Variants in DIAPH3 observed in about 807,000 individuals in gnomAD.
DIAPH3 encodes the protein protein diaphanous homolog 3.
A neutral mutation model predicts 144.3 loss-of-function variants in DIAPH3; 117 were observed. The observed-to-expected ratio is 0.81, with a 90% CI of 0.70 to 0.95. The LOEUF (loss-of-function observed/expected upper bound fraction) is 0.95, where lower values mean the gene tolerates loss of function less well. Ranked by LOEUF, DIAPH3 falls within the 40% of genes least tolerant of loss-of-function variation. The pLI is 0.00. For synonymous variants in DIAPH3, 519 were observed against 488.9 expected, an observed-to-expected ratio of 1.06 and a Z score of -0.81; for missense variants, 1,421 against 1,412.7, an observed-to-expected ratio of 1.01 and a Z score of -0.09.
intron 21 of DIAPH3, among the ~76,000 whole-genome samples, chr13:59,872,467 T>C (rs1201963786): frequency 6.6e-6 from 1 of 152,200 alleles, no homozygotes; most frequent in Non-Finnish European, 1.5e-5. Flanking sequence ...GCTGGAACCA[T>C]AGTTCAAAGC....
intron 9 of DIAPH3, among the ~76,000 whole-genome samples, chr13:59,996,534 A>G (rs1333372999): frequency 2.0e-5 from 3 of 152,050 alleles, no homozygotes; most frequent in Admixed American, 1.3e-4. Flanking sequence ...TCCTTAGGGC[A>G]GCAGTAAACT....
intron 1 of DIAPH3, among the ~76,000 whole-genome samples, chr13:60,141,739 T>C (rs2138314956): frequency 6.6e-6 from 1 of 152,352 alleles, no homozygotes; most frequent in African/African-American, 2.4e-5. Context: ...AACTTATCTT[T>C]ATTGGGGAAA....
chr13:59,888,515 C>T (rs1249685369), intron 20 of DIAPH3, among the ~76,000 whole-genome samples: 1 of 152,028 alleles, frequency 6.6e-6, no homozygotes, highest in African/African-American at 2.4e-5. Flanking sequence ...CGTCTACTGG[C>T]TTAACTATGC....
intron 22 of DIAPH3, among the ~76,000 whole-genome samples, chr13:59,856,529 T>C (rs1176327879): frequency 2.0e-5 from 3 of 152,156 alleles, no homozygotes; most frequent in African/African-American, 7.2e-5. Context: ...CCTCACTGTG[T>C]CTTCACATGG....
chr13:59,833,483 T>C (rs935949163), intron 23 of DIAPH3, among the ~76,000 whole-genome samples: 1 of 151,754 alleles, frequency 6.6e-6, no homozygotes, highest in Non-Finnish European at 1.5e-5. Flanking sequence ...TGGGAAATCA[T>C]TAGAAAAGAT....
chr13:59,893,139 T>C (rs1362471785), intron 20 of DIAPH3, among the ~76,000 whole-genome samples: 4 of 152,094 alleles, frequency 2.6e-5, no homozygotes, highest in Non-Finnish European at 5.9e-5. Flanking sequence ...AAAATACATA[T>C]GGTATGATGA....
chr13:59,988,028 T>C (rs911068813), intron 12 of DIAPH3, among the ~76,000 whole-genome samples: 2 of 151,810 alleles, frequency 1.3e-5, no homozygotes, highest in African/African-American at 4.8e-5. Flanking sequence ...ATTTAGACTT[T>C]CCTTTCCATA....
At chr13:59,743,127 A>T (rs1830275464) in intron 27 of DIAPH3, among the ~76,000 whole-genome samples, 1 of 152,190 alleles carries the variant, frequency 6.6e-6, no homozygotes, top group Admixed American at 6.5e-5. Context: ...ACTGGAACTT[A>T]CACAGACAGC....
At chr13:59,865,532 T>C (rs982967821) in intron 21 of DIAPH3, among the ~76,000 whole-genome samples, 2 of 152,076 alleles carry the variant, frequency 1.3e-5, no homozygotes, top group African/African-American at 4.8e-5. Context: ...TTTATCTTAC[T>C]GATGAGTAAT....
chr13:59,837,290 G>A (rs927691727), intron 23 of DIAPH3, among the ~76,000 whole-genome samples: 1 of 152,006 alleles, frequency 6.6e-6, no homozygotes, highest in African/African-American at 2.4e-5. Flanking sequence ...TTCCAACAAA[G>A]CATCATCCTT....
intron 4 of DIAPH3, among the ~76,000 whole-genome samples, chr13:60,088,189 G>T (rs1228320374): frequency 6.7e-6 from 1 of 149,444 alleles, no homozygotes; most frequent in Non-Finnish European, 1.5e-5. Flanking sequence ...TGGGGAAAAA[G>T]ACAACTCGCA....
chr13:60,131,909 T>C (rs2059151960), intron 2 of DIAPH3, among the ~76,000 whole-genome samples: 1 of 152,236 alleles, frequency 6.6e-6, no homozygotes, highest in Admixed American at 6.5e-5. Flanking sequence ...TATAACTGTA[T>C]CACTTGCCAG....
At chr13:59,900,563 A>G (rs2046373249) in intron 20 of DIAPH3, among the ~76,000 whole-genome samples, 1 of 152,202 alleles carries the variant, frequency 6.6e-6, no homozygotes, top group Admixed American at 6.5e-5. Flanking sequence ...CAGCAGCAAA[A>G]ACAAACAAAA....
intron 5 of DIAPH3, among the ~76,000 whole-genome samples, chr13:60,030,368 T>C (rs1343347779): frequency 6.6e-6 from 1 of 152,124 alleles, no homozygotes; most frequent in Non-Finnish European, 1.5e-5. Context: ...GATGTTTCTC[T>C]CTAAAAGGAA....
intron 27 of DIAPH3, among the ~76,000 whole-genome samples, chr13:59,691,813 T>C (rs990308956): frequency 2.0e-5 from 3 of 152,180 alleles, no homozygotes; most frequent in East Asian, 3.9e-4. Context: ...TGACTGAGGG[T>C]GTTTGTGACT....
chr13:59,790,994 G>A (rs1429710569), intron 25 of DIAPH3, among the ~76,000 whole-genome samples: 1 of 152,134 alleles, frequency 6.6e-6, no homozygotes, highest in Non-Finnish European at 1.5e-5. Context: ...TGAAAGAGAT[G>A]AGTCTGTCTC....
At chr13:59,855,941 C>A (rs1426607107) in intron 22 of DIAPH3, among the ~76,000 whole-genome samples, 2 of 151,084 alleles carry the variant, frequency 1.3e-5, no homozygotes, top group Non-Finnish European at 3.0e-5. Context: ...AAGAAAAAGA[C>A]AAAACAAAAA....
intron 17 of DIAPH3, among the ~76,000 whole-genome samples, chr13:59,948,565 C>T (rs1374291538): frequency 6.6e-6 from 1 of 152,152 alleles, no homozygotes; most frequent in Non-Finnish European, 1.5e-5. Flanking sequence ...GATCTTCCTG[C>T]CTTGGCCTCC....
chr13:59,734,371 T>C (rs1365931009), intron 27 of DIAPH3, among the ~76,000 whole-genome samples: 1 of 152,218 alleles, frequency 6.6e-6, no homozygotes, highest in African/African-American at 2.4e-5. Context: ...AGCCCAATTA[T>C]GAAAAATAAA....
Sources: gnomAD v4.1 joint callset for allele counts (sites outside exome capture counted in the v4.1 genomes callset) on GRCh38, gnomAD v4.1.1 for gene constraint, MANE v1.5 for transcripts, NCBI Gene and HGNC (gene_info 2026-07-23, HGNC 2026-07-21) for gene names.